Variants in RILPL1 observed in about 807,000 individuals in gnomAD.
RILPL1 encodes the protein RILP-like protein 1.
In RILPL1, 33 loss-of-function variants were observed where a neutral mutation model predicts 50.3. That is an observed-to-expected ratio of 0.66 (90% CI 0.50 to 0.88). RILPL1 has a LOEUF of 0.88. RILPL1 is among the 40% of genes least tolerant of loss of function. RILPL1 has a pLI of 0.00. For missense variants in RILPL1, 418 were observed against 542.5 expected, an observed-to-expected ratio of 0.77 and a Z score of 2.28; for synonymous variants, 205 against 228.6, an observed-to-expected ratio of 0.90 and a Z score of 0.93.
chr12:123,528,085 G>A (rs144916793), intron 1 of RILPL1, among the ~76,000 whole-genome samples: 310 of 152,090 alleles, frequency 2.0e-3, no homozygotes, highest in African/African-American at 7.0e-3. Flanking sequence ...ATACATTTCT[G>A]GCCAGGCATG....
chr12:123,503,704 C>T (rs1227080237), intron 2 of RILPL1, among the ~76,000 whole-genome samples: 1 of 152,044 alleles, frequency 6.6e-6, no homozygotes, highest in Non-Finnish European at 1.5e-5. Context: ...AGGATAACAT[C>T]CCCATCTCAA....
intron 2 of RILPL1, among the ~76,000 whole-genome samples, chr12:123,519,075 GA>G (rs1175576090): frequency 3.7e-5 from 2 of 53,632 alleles, no homozygotes; most frequent in African/African-American, 5.0e-5. Flanking sequence ...AAAAAAAAAA[GA>G]AAAGAAAAAA....
At chr12:123,514,292 C>T (rs1037416737) in intron 2 of RILPL1, 1 of 152,118 alleles carries the variant, frequency 6.6e-6, no homozygotes, top group Non-Finnish European at 1.5e-5. Flanking sequence ...TAGAGGCTGC[C>T]AGTGGTTGTA....
intron 2 of RILPL1, chr12:123,514,329 G>A (rs1172978350): frequency 6.6e-6 from 1 of 152,212 alleles, no homozygotes; most frequent in Non-Finnish European, 1.5e-5. Flanking sequence ...GCAGAGACAA[G>A]AGGCTGGGGA....
chr12:123,523,450 AAAGG>A, intron 2 of RILPL1, 41 bp downstream of exon 2: 1 of 1,612,204 alleles, frequency 6.2e-7, no homozygotes, highest in Non-Finnish European at 8.5e-7. Context: ...GGCAATAAGA[AAAGG>A]AATGGCCGGC....
chr12:123,498,713 C>G lies in RILPL1; in HGVS notation c.632G>C (p.Arg211Pro). The change falls in exon 4 of 7, where the codon CGG (arginine) becomes CCG (proline). Residue 211 changes from arginine (R) to proline (P), a missense_variant. Physicochemically the swap from Arg to Pro is moderately radical, Grantham distance 103. Coordinates refer to ENST00000376874, the MANE Select transcript of RILPL1 (RefSeq NM_178314.5). This position sits in a 1 kb window ranked among gnomAD's most constrained non-coding sequence, Gnocchi z 4.3. ...CCCCTGGGCCTCCACCACCGTGACC[C>G]GGTGCCGAAGGTCATGGTTGATCTT... ...LMKINHDLRHRVTVVEAQGKA... is the reference protein window; with the variant it reads ...LMKINHDLRHPVTVVEAQGKA... 2 of 1,613,640 alleles carry G rather than the reference C, an allele frequency of 1.2e-6. No homozygotes were observed. Among genetic ancestry groups the G allele is most frequent in the Non-Finnish European group, 1.7e-6 (2 of 1,179,886 alleles).
intron 6 of RILPL1, among the ~76,000 whole-genome samples, chr12:123,476,539 G>T (rs533311036): frequency 1.3e-5 from 2 of 151,964 alleles, no homozygotes; most frequent in Non-Finnish European, 2.9e-5. Context: ...AATATGACTG[G>T]TATCCTTATA....
At chr12:123,511,658 T>A (rs1402305438) in intron 2 of RILPL1, among the ~76,000 whole-genome samples, 2 of 141,732 alleles carry the variant, frequency 1.4e-5, no homozygotes, top group Non-Finnish European at 3.1e-5. Flanking sequence ...GAGATCTGTA[T>A]GTGTGAGGTC....
chr12:123,481,908 T>G (rs1410321000), intron 6 of RILPL1, among the ~76,000 whole-genome samples: 1 of 151,516 alleles, frequency 6.6e-6, no homozygotes, highest in Non-Finnish European at 1.5e-5. Flanking sequence ...TCTCGCTCTG[T>G]CGCTCAGAGG....
chr12:123,478,682 G>A (rs1347490303), intron 6 of RILPL1, among the ~76,000 whole-genome samples: 1 of 152,146 alleles, frequency 6.6e-6, no homozygotes, highest in Non-Finnish European at 1.5e-5. Flanking sequence ...AGTCCTCGAG[G>A]CCAGTTCTCA....
intron 2 of RILPL1, among the ~76,000 whole-genome samples, chr12:123,511,940 TTGTG>T (rs143408241): frequency 2.0e-4 from 10 of 48,886 alleles, no homozygotes; most frequent in African/African-American, 2.7e-4. Flanking sequence ...TGTGTGAGGT[TTGTG>T]TGTGTGTGTG....
chr12:123,495,838 G>A (rs1883000194), intron 4 of RILPL1, among the ~76,000 whole-genome samples: 1 of 151,064 alleles, frequency 6.6e-6, no homozygotes, highest in African/African-American at 2.4e-5. Flanking sequence ...ACACCACCAT[G>A]CCTGGCTAAT....
chr12:123,515,696 C>G (rs559924980), intron 2 of RILPL1, among the ~76,000 whole-genome samples: 2 of 151,472 alleles, frequency 1.3e-5, no homozygotes, highest in South Asian at 4.2e-4. Context: ...GTGATCCGCC[C>G]GCCTCAGCCT....
intron 2 of RILPL1, among the ~76,000 whole-genome samples, chr12:123,507,380 C>A (rs1004690398): frequency 6.6e-6 from 1 of 151,174 alleles, no homozygotes; most frequent in Non-Finnish European, 1.5e-5. Flanking sequence ...CACTGCAATA[C>A]AGGGAGACCT....
chr12:123,493,107 G>C (rs574969200), intron 4 of RILPL1, among the ~76,000 whole-genome samples: 10 of 152,310 alleles, frequency 6.6e-5, no homozygotes, highest in Non-Finnish European at 1.2e-4. Flanking sequence ...TCTGTCTCCT[G>C]CCTGTCCCTG....
At chr12:123,517,424 GTTTT>G (rs59944903) in intron 2 of RILPL1, among the ~76,000 whole-genome samples, 29 of 131,908 alleles carry the variant, frequency 2.2e-4, no homozygotes, top group South Asian at 2.5e-4. Flanking sequence ...TGTTGTTATT[GTTTT>G]TTTTTTTTTT....
At chr12:123,502,130 C>T (rs1883438262) in intron 2 of RILPL1, among the ~76,000 whole-genome samples, 1 of 150,474 alleles carries the variant, frequency 6.6e-6, no homozygotes, top group African/African-American at 2.4e-5. Context: ...TAGAGCGTTG[C>T]AATGGGAATC....
chr12:123,523,459 G>A, intron 2 of RILPL1, 36 bp downstream of exon 2: 10 of 1,613,014 alleles, frequency 6.2e-6, no homozygotes, highest in Non-Finnish European at 8.5e-6. Context: ...AAAAGGAATG[G>A]CCGGCCCCCT....
intron 4 of RILPL1, among the ~76,000 whole-genome samples, chr12:123,496,312 C>A (rs891029642): frequency 6.6e-6 from 1 of 152,198 alleles, no homozygotes; most frequent in African/African-American, 2.4e-5. Context: ...CCATGCCTGG[C>A]AACTACTCCC....
Sources: gnomAD v4.1 joint callset for allele counts (sites outside exome capture counted in the v4.1 genomes callset) on GRCh38, gnomAD v4.1.1 for gene constraint, Gnocchi (gnomAD v3.1) non-coding constraint, MANE v1.5 for transcripts, NCBI Gene and HGNC (gene_info 2026-07-23, HGNC 2026-07-21) for gene names.